POLR1B: variants seen among roughly 807,000 people sequenced by gnomAD.
POLR1B encodes DNA-directed RNA polymerase I subunit RPA2.
Under a neutral mutation model 105.8 loss-of-function variants are expected in POLR1B, and 30 were observed. The ratio of observed to expected loss-of-function variants is 0.28; its 90% CI spans 0.21 to 0.38. The LOEUF is 0.38. POLR1B is among the 10% of genes least tolerant of loss of function. POLR1B has a pLI of 1.00. For missense variants in POLR1B, 976 were observed against 1,435.8 expected, an observed-to-expected ratio of 0.68 and a Z score of 5.17; for synonymous variants, 485 against 505.1, an observed-to-expected ratio of 0.96 and a Z score of 0.53.
chr2:112,556,197 G>C lies in POLR1B; in HGVS notation c.1159-1713G>C, dbSNP rs375485532. On this transcript the variant is annotated intron_variant, in intron 7 of 14. Transcript: ENST00000263331. ...CTAAACAGCAACCAGCAGAGGTGGA[G>C]CAGTGATGCCAGGCTCTTCTACTCA... 3.3e-5 allele frequency among the ~76,000 whole-genome samples: 5 copies of C among 152,350 alleles called. No individual in the cohort carries two copies. The East Asian group carries it at 7.7e-4, about 23-fold the overall frequency.
At chr2:112,569,561 TC>T (rs1349410705) in intron 12 of POLR1B, among the ~76,000 whole-genome samples, 4 of 151,078 alleles carry the variant, frequency 2.6e-5, no homozygotes, top group African/African-American at 9.8e-5. Context: ...ATAGTGTGTT[TC>T]TTTTTTTTTT....
intron 4 of POLR1B, 38 bp from the exon 5 acceptor site, chr2:112,550,828 C>G: frequency 6.2e-7 from 1 of 1,604,370 alleles, no homozygotes; most frequent in Non-Finnish European, 8.5e-7. Flanking sequence ...ATTAAGATAT[C>G]AATGAGTTTC....
At chr2:112,551,658 A>G in intron 5 of POLR1B, 117 bp from the exon 6 acceptor site, 1 of 809,748 alleles carries the variant, frequency 1.2e-6, no homozygotes, top group Non-Finnish European at 1.9e-6. Flanking sequence ...TGATTCAGCA[A>G]TAGCAGAGTG....
intron 12 of POLR1B, 107 bp downstream of exon 12, chr2:112,569,009 TAC>T: frequency 1.6e-6 from 2 of 1,236,880 alleles, no homozygotes; most frequent in Non-Finnish European, 2.2e-6. Flanking sequence ...GTTCCAAAAA[TAC>T]AGTTTATGGC....
chr2:112,568,268 C>CAA (rs1249908065), intron 11 of POLR1B, 131 bp downstream of exon 11: 1 of 916,686 alleles, frequency 1.1e-6, no homozygotes, highest in East Asian at 2.6e-5. Flanking sequence ...GAAAGAAAGT[C>CAA]AGACTTTCCA....
intron 7 of POLR1B, 152 bp downstream of exon 7, chr2:112,552,968 A>T: frequency 1.5e-6 from 1 of 672,816 alleles, no homozygotes; most frequent in Non-Finnish European, 2.2e-6. Flanking sequence ...CAGTAAGGGG[A>T]TCAGAAATCC....
At position 112,547,047 on chromosome 2, in the gene POLR1B, G is replaced by A; in HGVS notation, c.213G>A (p.Glu71=). The change falls in exon 2 of 15, where the codon GAG becomes GAA. Residue 71 remains glutamate (E), a synonymous_variant. Coordinates refer to ENST00000263331, the MANE Select transcript of POLR1B (RefSeq NM_019014.6). The stretch of plus-strand genomic sequence containing the variant: ...CCTTTGAATTTGCTTTCAAAGATGA[G>A]CGTATCTCTTTTACTATTCTGGATG... ...IPPFEFAFKD[E]RISFTILDAV... The A allele has an allele frequency of 6.2e-7, 1 of 1,614,182 alleles. No homozygotes were observed. Among genetic ancestry groups the A allele is most frequent in the Non-Finnish European group, 8.5e-7 (1 of 1,180,018 alleles).
chr2:112,559,261 G>C, intron 8 of POLR1B, 32 bp from the exon 9 acceptor site: 3 of 1,605,998 alleles, frequency 1.9e-6, no homozygotes, highest in Non-Finnish European at 2.6e-6. Context: ...CAAAAGATTG[G>C]CCCATTTTTG....
intron 9 of POLR1B, among the ~76,000 whole-genome samples, chr2:112,563,702 A>G (rs915434638): frequency 6.6e-6 from 1 of 152,030 alleles, no homozygotes; most frequent in Non-Finnish European, 1.5e-5. Context: ...GTTCGAGACC[A>G]GCCTAGGCAA....
At chr2:112,548,644 CCT>C (rs1387337276) in intron 3 of POLR1B, among the ~76,000 whole-genome samples, 1 of 151,298 alleles carries the variant, frequency 6.6e-6, no homozygotes, top group Non-Finnish European at 1.5e-5. Context: ...ACGGAGTCTC[CCT>C]CTCTCACCCA....
intron 14 of POLR1B, 52 bp from the exon 15 acceptor site, chr2:112,574,795 C>T (rs1268743801): frequency 1.5e-6 from 2 of 1,296,582 alleles, no homozygotes; most frequent in African/African-American, 1.5e-5. Flanking sequence ...TGAAACTTAT[C>T]TCCATAAGTT....
chr2:112,567,271 T>A (rs1415051042), intron 10 of POLR1B, among the ~76,000 whole-genome samples: 2 of 152,174 alleles, frequency 1.3e-5, no homozygotes, highest in Non-Finnish European at 2.9e-5. Flanking sequence ...TAGCTGTGAA[T>A]CCCCATGAGT....
At chr2:112,542,144 C>A (rs1558649997), upstream of POLR1B, 1 of 1,535,584 alleles carries the variant, frequency 6.5e-7, no homozygotes, top group Non-Finnish European at 8.7e-7. Flanking sequence ...TCCTAATTGA[C>A]TGAGCCAATG....
chr2:112,569,684 C>T (rs1422628896), intron 12 of POLR1B, among the ~76,000 whole-genome samples: 2 of 151,548 alleles, frequency 1.3e-5, no homozygotes, highest in African/African-American at 4.9e-5. Context: ...TTCAGCCTTC[C>T]AAGTAGCTGG....
chr2:112,542,781 C>T, intron 1 of POLR1B, 110 bp downstream of exon 1: 1 of 1,383,662 alleles, frequency 7.2e-7, no homozygotes, highest in Non-Finnish European at 9.8e-7. Flanking sequence ...TCCTGACAGG[C>T]TTGGTGGGTA....
chr2:112,553,010 T>C (rs1020463055), intron 7 of POLR1B, among the ~76,000 whole-genome samples, 194 bp downstream of exon 7: 2 of 152,266 alleles, frequency 1.3e-5, no homozygotes, highest in Non-Finnish European at 2.9e-5. Context: ...ATTTGCTTAA[T>C]ATTTTTATGT....
chr2:112,563,598 A>G (rs1477916669), intron 9 of POLR1B, among the ~76,000 whole-genome samples: 1 of 152,100 alleles, frequency 6.6e-6, no homozygotes, highest in Non-Finnish European at 1.5e-5. Flanking sequence ...TTGAGATCCC[A>G]TCTCAAGAAA....
In POLR1B at chr2:112,573,668, T is replaced by A. The variant is rs1485578605; in HGVS notation, c.2378T>A (p.Val793Glu). ...EKIKQGDSSL[V>E]FGIKPGDPRV... is the part of the protein sequence containing the mutation. ...ATTAAACAAGGAGATAGTAGCCTGG[T>A]GTTTGGCATCAAACCTGGTGACCCA... The change falls in exon 14 of 15, where the codon GTG becomes GAG. Residue 793 changes from valine (V) to glutamate (E), a missense_variant. Transcript: ENST00000263331. 6.2e-7 allele frequency: 1 copy of A among 1,614,244 alleles called. No homozygotes were observed. Among genetic ancestry groups the A allele is most frequent in the South Asian group, 1.1e-5 (1 of 91,088 alleles).
At chr2:112,544,521 G>T (rs1025651202) in intron 1 of POLR1B, among the ~76,000 whole-genome samples, 5 of 152,146 alleles carry the variant, frequency 3.3e-5, no homozygotes, top group African/African-American at 9.7e-5. Context: ...TAGATGAATT[G>T]CATTATTAAA....
Sources: allele counts gnomAD v4.1 joint callset (sites outside exome capture counted in the v4.1 genomes callset), GRCh38; gene constraint gnomAD v4.1.1; transcripts MANE v1.5; gene names NCBI Gene and HGNC (gene_info 2026-07-23, HGNC 2026-07-21).